Variants in PTCHD4 observed in about 807,000 individuals in gnomAD.
The protein encoded by PTCHD4 is patched domain containing 4, also known as patched domain-containing protein 4.
A neutral mutation model predicts 58.1 loss-of-function variants in PTCHD4; 33 were observed. That is an observed-to-expected ratio of 0.57 (90% confidence interval 0.43 to 0.76). PTCHD4 has a LOEUF of 0.76. Ranked by LOEUF, PTCHD4 falls within the 30% of genes least tolerant of loss-of-function variation. The pLI, the probability that PTCHD4 is intolerant of heterozygous loss-of-function variation, is 0.00. For synonymous variants in PTCHD4, 478 were observed against 409.6 expected (o/e 1.17, Z -2.02); for missense variants, 1,058 against 1,027.1 (o/e 1.03, Z -0.41).
At chr6:47,884,907 A>G (rs186037062) in intron 4 of PTCHD4, among the ~76,000 whole-genome samples, 3 of 152,328 alleles carry the variant, frequency 2.0e-5, no homozygotes, top group Non-Finnish European at 4.4e-5. Flanking sequence ...AAACCCCTGT[A>G]AACTATGAAG....
chr6:48,101,615 G>A (rs1355637809), intron 1 of PTCHD4, among the ~76,000 whole-genome samples: 2 of 152,062 alleles, frequency 1.3e-5, no homozygotes, highest in Non-Finnish European at 2.9e-5. Flanking sequence ...AGGTAAACTG[G>A]GTAGCCTCAC....
At chr6:47,978,001 TC>T (rs1232093912) in intron 4 of PTCHD4, among the ~76,000 whole-genome samples, 1 of 152,194 alleles carries the variant, frequency 6.6e-6, no homozygotes, top group Non-Finnish European at 1.5e-5. Context: ...CTAGGAAACT[TC>T]CAACTCTAGT....
At chr6:47,950,149 T>C (rs1766587452) in intron 4 of PTCHD4, among the ~76,000 whole-genome samples, 1 of 151,476 alleles carries the variant, frequency 6.6e-6, no homozygotes, top group South Asian at 2.1e-4. Flanking sequence ...TTTGTCCTTG[T>C]GATAGTTTGC....
chr6:48,083,791 G>C (rs746110798), intron 1 of PTCHD4, among the ~76,000 whole-genome samples: 1 of 152,154 alleles, frequency 6.6e-6, no homozygotes, highest in Non-Finnish European at 1.5e-5. Flanking sequence ...AGAAATGGGG[G>C]CCTCAGTTAT....
chr6:48,051,253 C>A (rs949706508), intron 3 of PTCHD4, among the ~76,000 whole-genome samples: 2 of 151,984 alleles, frequency 1.3e-5, no homozygotes, highest in East Asian at 3.9e-4. Context: ...GGCATGAAGT[C>A]AGAATGTTTA....
rs1022033273 is a variant in PTCHD4 at position 47,859,992 on chromosome 6, C to T, written c.*18311G>A. On this transcript the variant is annotated 3_prime_UTR_variant, in exon 5 of 5. Coordinates refer to ENST00000339488, the MANE Select transcript of PTCHD4 (RefSeq NM_001384253.1). ...AGACTGGGTGGGGCTTCCCCTCTTT[C>T]GTGAATCTCCCACCCAAGTTAATGT... Among the ~76,000 whole-genome samples, 1 of 151,920 alleles carries T rather than the reference C, an allele frequency of 6.6e-6. No individual in the cohort carries two copies. Among genetic ancestry groups the T allele is most frequent in the African/African-American group, 2.4e-5 (1 of 41,396 alleles).
chr6:48,029,808 A>G (rs1356378412), intron 3 of PTCHD4, among the ~76,000 whole-genome samples: 2 of 152,130 alleles, frequency 1.3e-5, no homozygotes, highest in East Asian at 1.9e-4. Flanking sequence ...CTTGAAAATG[A>G]TGCATAAAAT....
intron 4 of PTCHD4, among the ~76,000 whole-genome samples, chr6:47,889,485 A>G (rs1196809042): frequency 8.6e-5 from 13 of 151,704 alleles, no homozygotes; most frequent in East Asian, 1.9e-4. Context: ...CATGTCCTTC[A>G]CCCACTTTTT....
intron 4 of PTCHD4, among the ~76,000 whole-genome samples, chr6:47,954,763 TC>T (rs1766789674): frequency 6.6e-6 from 1 of 152,222 alleles, no homozygotes; most frequent in African/African-American, 2.4e-5. Flanking sequence ...ACCTTGCTAC[TC>T]CCCTATCTGT....
chr6:48,102,636 C>T lies in PTCHD4; in HGVS notation c.-970+8413G>A, dbSNP rs1040901506. On this transcript the variant is annotated intron_variant, in intron 1 of 4. Coordinates refer to ENST00000339488, the MANE Select transcript of PTCHD4 (RefSeq NM_001384253.1). Reference sequence around the variant, plus strand: ...GGTGCAGGACAGTGGGTGCAGTGCACCATGCGTGAGCCGAAGCAGGGCGAG... The same window carrying T: ...GGTGCAGGACAGTGGGTGCAGTGCATCATGCGTGAGCCGAAGCAGGGCGAG... 2.0e-5 allele frequency among the ~76,000 whole-genome samples: 3 copies of T among 152,176 alleles called. No individual in the cohort carries two copies. In the East Asian group the frequency reaches 5.8e-4, roughly 29 times the overall value.
rs534759340 is a variant in PTCHD4, at chr6:47,859,251, A to T, written c.*19052T>A. 6.6e-6 allele frequency among the ~76,000 whole-genome samples: 1 copy of T among 152,010 alleles called. No individual in the cohort carries two copies. Among genetic ancestry groups the T allele is most frequent in the Non-Finnish European group, 1.5e-5 (1 of 67,968 alleles). On this transcript the variant is annotated 3_prime_UTR_variant, in exon 5 of 5. Coordinates refer to ENST00000339488, the MANE Select transcript of PTCHD4 (RefSeq NM_001384253.1). ...TGCCATGATAATCTTTCACTTGTTC[A>T]GCAGTATTTCTTTTTCTTTCCATTG...
chr6:48,075,990 C>T (rs1434813256), intron 1 of PTCHD4, among the ~76,000 whole-genome samples: 4 of 152,164 alleles, frequency 2.6e-5, no homozygotes, highest in African/African-American at 9.7e-5. Flanking sequence ...GTTGTTTGAT[C>T]GCATTTCACC....
chr6:48,022,473 C>T (rs1300825783), intron 3 of PTCHD4, among the ~76,000 whole-genome samples: 1 of 151,998 alleles, frequency 6.6e-6, no homozygotes, highest in African/African-American at 2.4e-5. Context: ...TACAATTGTT[C>T]CTTACTATAA....
At chr6:48,023,878 G>A (rs1763152349) in intron 3 of PTCHD4, among the ~76,000 whole-genome samples, 1 of 152,046 alleles carries the variant, frequency 6.6e-6, no homozygotes, top group African/African-American at 2.4e-5. Flanking sequence ...TCATGCTAGG[G>A]GTCATATGAC....
intron 4 of PTCHD4, among the ~76,000 whole-genome samples, chr6:47,908,189 A>G (rs1057466349): frequency 1.2e-4 from 18 of 152,160 alleles, no homozygotes; most frequent in African/African-American, 4.3e-4. Context: ...CAGAACCTCC[A>G]TGATGAGTCT....
At chr6:48,019,702 C>G (rs1762995813) in intron 3 of PTCHD4, among the ~76,000 whole-genome samples, 1 of 151,234 alleles carries the variant, frequency 6.6e-6, no homozygotes, top group Admixed American at 6.6e-5. Context: ...CACCACTGCA[C>G]TCCAGCCTGG....
At chr6:47,895,726 T>G (rs777501558) in intron 4 of PTCHD4, among the ~76,000 whole-genome samples, 4 of 151,948 alleles carry the variant, frequency 2.6e-5, no homozygotes, top group African/African-American at 9.7e-5. Flanking sequence ...ATATTTAGAG[T>G]TGGAATTCAT....
At chr6:47,937,058 A>G (rs1024121949) in intron 4 of PTCHD4, among the ~76,000 whole-genome samples, 8 of 152,216 alleles carry the variant, frequency 5.3e-5, no homozygotes, top group Non-Finnish European at 1.2e-4. Flanking sequence ...AACAGAAGGA[A>G]TCGTAAGAAA....
At position 48,089,156 on chromosome 6, in the gene PTCHD4, C is replaced by T. The variant is rs1765317508; in HGVS notation, c.-969-19230G>A. Among the ~76,000 whole-genome samples the T allele has an allele frequency of 4.6e-5, 7 of 152,124 alleles. No individual in the cohort carries two copies. The South Asian group carries it at 1.2e-3, about 27-fold the overall frequency. On this transcript the variant is annotated intron_variant, in intron 1 of 4. Coordinates refer to ENST00000339488, the MANE Select transcript of PTCHD4 (RefSeq NM_001384253.1). ...TGCCATAATGGAGTGAGATCAGTAGCAGCAAGGGCAGAAATTTCCAAAAGA... is the reference window on the plus strand; with the variant it reads ...TGCCATAATGGAGTGAGATCAGTAGTAGCAAGGGCAGAAATTTCCAAAAGA...
Sources: gnomAD v4.1 joint callset for allele counts (sites outside exome capture counted in the v4.1 genomes callset) on GRCh38, gnomAD v4.1.1 for gene constraint, MANE v1.5 for transcripts, NCBI Gene and HGNC (gene_info 2026-07-23, HGNC 2026-07-21) for gene names.